Variants in KIAA1328 observed in about 807,000 individuals in gnomAD.
KIAA1328 encodes the protein KIAA1328, also known as protein hinderin.
In KIAA1328, 52 loss-of-function variants were observed where a neutral mutation model predicts 68.1. The ratio of observed to expected loss-of-function variants is 0.76; its 90% CI spans 0.61 to 0.96. The LOEUF (loss-of-function observed/expected upper bound fraction) is 0.96, where lower values mean the gene tolerates loss of function less well. Ranked by LOEUF, KIAA1328 falls within the 40% of genes least tolerant of loss-of-function variation. The probability of loss-of-function intolerance (pLI) is 0.00; values close to 1 mark genes in which losing one functional copy is unlikely to be tolerated. For missense variants in KIAA1328, 641 were observed against 677.6 expected (o/e 0.95, Z 0.60); for synonymous variants, 232 against 239.4 (o/e 0.97, Z 0.28).
At chr18:37,164,799 A>G (rs2059353305) in intron 8 of KIAA1328, among the ~76,000 whole-genome samples, 1 of 152,090 alleles carries the variant, frequency 6.6e-6, no homozygotes. Flanking sequence ...GAAAATATGG[A>G]CGGGGAGGGT....
At chr18:36,839,937 A>G (rs1424803500) in intron 3 of KIAA1328, among the ~76,000 whole-genome samples, 1 of 152,104 alleles carries the variant, frequency 6.6e-6, no homozygotes. Context: ...TTTCTCACAT[A>G]CATATGCTGG....
intron 5 of KIAA1328, among the ~76,000 whole-genome samples, chr18:36,949,132 T>C (rs938954821): frequency 6.6e-6 from 1 of 152,128 alleles, no homozygotes; most frequent in Admixed American, 6.5e-5. Context: ...TCTTCTACAG[T>C]TCTAAGGTAG....
intron 7 of KIAA1328, among the ~76,000 whole-genome samples, chr18:37,137,486 A>T (rs2058670853): frequency 6.6e-6 from 1 of 152,184 alleles, no homozygotes. Context: ...GGTCTACTAT[A>T]TCACTCAACT....
intron 6 of KIAA1328, among the ~76,000 whole-genome samples, chr18:37,003,151 G>A (rs1302201074): frequency 6.6e-6 from 1 of 152,018 alleles, no homozygotes; most frequent in Non-Finnish European, 1.5e-5. Context: ...GCAGAATAAT[G>A]AAACTGAACC....
intron 5 of KIAA1328, among the ~76,000 whole-genome samples, chr18:36,916,026 G>C (rs961559691): frequency 2.0e-5 from 3 of 152,246 alleles, no homozygotes; most frequent in Non-Finnish European, 2.9e-5. Flanking sequence ...TCACTCATGT[G>C]TAATGTGTTG....
chr18:37,210,783 A>T (rs887532374), intron 9 of KIAA1328, among the ~76,000 whole-genome samples: 16 of 152,190 alleles, frequency 1.1e-4, no homozygotes, highest in African/African-American at 3.6e-4. Flanking sequence ...TAATTCTTGT[A>T]TTAAATTGGG....
rs79943219 is a variant in KIAA1328 at position 37,211,748 on chromosome 18, A to G, written c.1524-10269A>G. 9.8e-5 allele frequency among the ~76,000 whole-genome samples: 15 copies of G among 152,310 alleles called. No homozygotes were observed. The East Asian group carries it at 1.5e-3, about 16-fold the overall frequency. On this transcript the variant is annotated intron_variant, in intron 9 of 9. Coordinates refer to ENST00000280020, the MANE Select transcript of KIAA1328 (RefSeq NM_020776.3). Reference sequence around the variant, plus strand: ...GTTATAAATTTTTTTACTATATTTCATAGTAATGAGTACTCAGAAAGAATT... The same window carrying G: ...GTTATAAATTTTTTTACTATATTTCGTAGTAATGAGTACTCAGAAAGAATT...
chr18:37,118,608 T>G (rs1005796200), intron 7 of KIAA1328, among the ~76,000 whole-genome samples: 16 of 152,206 alleles, frequency 1.1e-4, no homozygotes, highest in Admixed American at 7.8e-4. Context: ...TCTTTGCCTC[T>G]TAATTCAGAG....
chr18:36,937,407 T>G (rs1343424435), intron 5 of KIAA1328, among the ~76,000 whole-genome samples: 1 of 152,076 alleles, frequency 6.6e-6, no homozygotes, highest in African/African-American at 2.4e-5. Context: ...GGAACTACCA[T>G]CAGAGTGAAC....
chr18:36,829,818 C>G (rs2046401709), intron 1 of KIAA1328, among the ~76,000 whole-genome samples: 1 of 152,000 alleles, frequency 6.6e-6, no homozygotes, highest in Non-Finnish European at 1.5e-5. Context: ...TTGTGGAGTG[C>G]GGGTCACTGG....
chr18:37,122,419 T>TA (rs1202448286), intron 7 of KIAA1328, among the ~76,000 whole-genome samples: 4 of 151,978 alleles, frequency 2.6e-5, no homozygotes, highest in Non-Finnish European at 5.9e-5. Context: ...CATGCAGACT[T>TA]AGAGTCAAAG....
intron 7 of KIAA1328, among the ~76,000 whole-genome samples, chr18:37,100,103 A>G (rs1393246171): frequency 6.6e-6 from 1 of 152,210 alleles, no homozygotes. Context: ...GCGATGCAGA[A>G]GACGGGTCAT....
chr18:36,963,909 A>G (rs909082681), intron 6 of KIAA1328, among the ~76,000 whole-genome samples: 1 of 152,178 alleles, frequency 6.6e-6, no homozygotes, highest in Non-Finnish European at 1.5e-5. Flanking sequence ...TTTTTCATTA[A>G]TTTGTATTTA....
chr18:36,856,286 T>C (rs1231916935), intron 4 of KIAA1328, among the ~76,000 whole-genome samples: 3 of 152,130 alleles, frequency 2.0e-5, no homozygotes, highest in African/African-American at 7.2e-5. Context: ...TCTTTCTCTC[T>C]TCTTCCTTTG....
intron 7 of KIAA1328, among the ~76,000 whole-genome samples, chr18:37,113,177 G>A (rs1354350642): frequency 6.6e-5 from 10 of 152,008 alleles, no homozygotes; most frequent in Admixed American, 4.6e-4. Context: ...AGATATCCTC[G>A]AGAAGAGCAA....
At chr18:37,100,744 G>A (rs1039716327) in intron 7 of KIAA1328, among the ~76,000 whole-genome samples, 5 of 152,174 alleles carry the variant, frequency 3.3e-5, no homozygotes, top group East Asian at 1.9e-4. Context: ...CCTGACCCCC[G>A]AGTAGCCTAA....
intron 9 of KIAA1328, among the ~76,000 whole-genome samples, chr18:37,178,727 A>G (rs1313795439): frequency 6.6e-6 from 1 of 152,176 alleles, no homozygotes; most frequent in Non-Finnish European, 1.5e-5. Flanking sequence ...TTCTTTCTCC[A>G]ATCATTGCCA....
At chr18:37,188,528 G>GGA (rs1398136751) in intron 9 of KIAA1328, among the ~76,000 whole-genome samples, 1 of 152,188 alleles carries the variant, frequency 6.6e-6, no homozygotes, top group Non-Finnish European at 1.5e-5. Context: ...GTGGCCAATG[G>GGA]GAGAGTTAGG....
intron 5 of KIAA1328, among the ~76,000 whole-genome samples, chr18:36,893,465 TTGTGTGTGTGTGTGTGTG>T (rs141803952): frequency 5.0e-5 from 6 of 120,596 alleles, no homozygotes; most frequent in Non-Finnish European, 1.0e-4. Context: ...GTGTGTGTTT[TTGTGTGTGTGTGTGTGTG>T]TGTGTGTGTG....
Sources: gnomAD v4.1 joint callset for allele counts (sites outside exome capture counted in the v4.1 genomes callset) on GRCh38, gnomAD v4.1.1 for gene constraint, MANE v1.5 for transcripts, NCBI Gene and HGNC (gene_info 2026-07-23, HGNC 2026-07-21) for gene names.